The following NALF1 variants were observed in gnomAD, a reference collection of about 807,000 sequenced individuals.
NALF1 encodes NALCN channel auxiliary factor 1.
A neutral mutation model predicts 48.4 loss-of-function variants in NALF1; 3 were observed. That is an observed-to-expected ratio of 0.06 (90% CI 0.03 to 0.16). The LOEUF is 0.16. NALF1 is among the 10% of genes least tolerant of loss of function. NALF1 has a pLI of 1.00. For missense variants in NALF1, 526 were observed against 571.5 expected (o/e 0.92, Z 0.81); for synonymous variants, 262 against 245.7 (o/e 1.07, Z -0.62).
At chr13:107,684,296 A>G (rs1881378378) in intron 1 of NALF1, among the ~76,000 whole-genome samples, 1 of 152,162 alleles carries the variant, frequency 6.6e-6, no homozygotes, top group African/African-American at 2.4e-5. Flanking sequence ...GAGTTTCTTG[A>G]TGCCACTCCC....
At chr13:107,743,875 T>G (rs765212930) in intron 1 of NALF1, among the ~76,000 whole-genome samples, 1 of 152,214 alleles carries the variant, frequency 6.6e-6, no homozygotes. Flanking sequence ...GGAGTCTTAA[T>G]GATTTCTTTA....
At chr13:107,269,528 T>G (rs1881111901) in intron 1 of NALF1, among the ~76,000 whole-genome samples, 1 of 152,200 alleles carries the variant, frequency 6.6e-6, no homozygotes, top group African/African-American at 2.4e-5. Flanking sequence ...AGGTTTGAAC[T>G]TATTTGTATT....
At chr13:107,535,558 T>C (rs1876776907) in intron 1 of NALF1, among the ~76,000 whole-genome samples, 1 of 152,064 alleles carries the variant, frequency 6.6e-6, no homozygotes, top group Non-Finnish European at 1.5e-5. Context: ...TACAAATCAC[T>C]GCTCAACAAA....
chr13:107,769,939 G>A (rs1425801398), intron 1 of NALF1, among the ~76,000 whole-genome samples: 1 of 152,076 alleles, frequency 6.6e-6, no homozygotes, highest in African/African-American at 2.4e-5. Context: ...TTGAGACGGA[G>A]TCTCGCTCTG....
intron 1 of NALF1, among the ~76,000 whole-genome samples, chr13:107,796,502 T>C (rs374670784): frequency 2.8e-4 from 43 of 152,340 alleles, no homozygotes; most frequent in African/African-American, 9.6e-4. Context: ...CTGGTCAAGA[T>C]TTAATTATAT....
intron 1 of NALF1, among the ~76,000 whole-genome samples, chr13:107,714,485 T>C (rs1325224086): frequency 1.3e-5 from 2 of 151,996 alleles, no homozygotes; most frequent in Non-Finnish European, 2.9e-5. Flanking sequence ...CTGGGCAACA[T>C]GGTAAAACCC....
chr13:107,410,560 A>C (rs762175807), intron 1 of NALF1, among the ~76,000 whole-genome samples: 1 of 152,180 alleles, frequency 6.6e-6, no homozygotes, highest in Non-Finnish European at 1.5e-5. Flanking sequence ...ATACACATAC[A>C]TGTGCATGCA....
intron 1 of NALF1, among the ~76,000 whole-genome samples, chr13:107,603,602 G>A (rs1594154732): frequency 6.6e-6 from 1 of 152,074 alleles, no homozygotes; most frequent in African/African-American, 2.4e-5. Flanking sequence ...AATAACAGAT[G>A]AGTAATGAAC....
intron 1 of NALF1, among the ~76,000 whole-genome samples, chr13:107,235,400 C>T (rs929871518): frequency 6.6e-6 from 1 of 152,022 alleles, no homozygotes; most frequent in Non-Finnish European, 1.5e-5. Context: ...ACAGTTATCC[C>T]TTGATATACA....
intron 1 of NALF1, among the ~76,000 whole-genome samples, chr13:107,686,735 C>T: frequency 7.6e-6 from 1 of 131,958 alleles, no homozygotes; most frequent in East Asian, 2.4e-4. Flanking sequence ...ATGCAAGTTA[C>T]AACCACAATG....
At chr13:107,415,280 G>T (rs1183647359) in intron 1 of NALF1, among the ~76,000 whole-genome samples, 2 of 151,958 alleles carry the variant, frequency 1.3e-5, no homozygotes, top group Admixed American at 6.6e-5. Context: ...GTTAATCAAA[G>T]AATATATACA....
At chr13:107,714,815 T>G (rs544027011) in intron 1 of NALF1, among the ~76,000 whole-genome samples, 1 of 152,244 alleles carries the variant, frequency 6.6e-6, no homozygotes, top group South Asian at 2.1e-4. Flanking sequence ...GACATCATGC[T>G]CCACCTACGT....
chr13:107,549,611 T>C (rs1260204656), intron 1 of NALF1, among the ~76,000 whole-genome samples: 1 of 152,214 alleles, frequency 6.6e-6, no homozygotes, highest in Non-Finnish European at 1.5e-5. Flanking sequence ...TTATTCAGTG[T>C]GTATATATGG....
At chr13:107,612,499 T>C (rs1879258976) in intron 1 of NALF1, among the ~76,000 whole-genome samples, 1 of 152,156 alleles carries the variant, frequency 6.6e-6, no homozygotes. Flanking sequence ...CTAGTGTTTC[T>C]GGATGAGACT....
chr13:107,411,615 A>T (rs551582901), intron 1 of NALF1, among the ~76,000 whole-genome samples: 4 of 152,256 alleles, frequency 2.6e-5, no homozygotes, highest in African/African-American at 9.6e-5. Context: ...ACTCTTCACC[A>T]TGCTTCACTA....
chr13:107,356,909 C>T (rs1234683169), intron 1 of NALF1, among the ~76,000 whole-genome samples: 4 of 152,148 alleles, frequency 2.6e-5, no homozygotes, highest in East Asian at 1.9e-4. Context: ...AAATGTCAAC[C>T]ATACAAAGTT....
At chr13:107,829,291 C>A (rs556292110) in intron 1 of NALF1, among the ~76,000 whole-genome samples, 1 of 152,132 alleles carries the variant, frequency 6.6e-6, no homozygotes, top group Non-Finnish European at 1.5e-5. Flanking sequence ...TGAGCAGTAA[C>A]GAATAAAGTT....
intron 1 of NALF1, among the ~76,000 whole-genome samples, chr13:107,497,705 T>C (rs1054505958): frequency 6.6e-6 from 1 of 152,242 alleles, no homozygotes; most frequent in African/African-American, 2.4e-5. Flanking sequence ...ATTGACATTA[T>C]AGATACGTGT....
intron 1 of NALF1, among the ~76,000 whole-genome samples, chr13:107,756,435 C>CTATATATATATATATATA (rs148971349): frequency 0.015 from 2,072 of 140,588 alleles, 16 homozygotes; most frequent in Middle Eastern, 0.027. Flanking sequence ...AGTTTAATGG[C>CTATATATATATATATATA]TATATATATA....
Sources: gnomAD v4.1 joint callset for allele counts (sites outside exome capture counted in the v4.1 genomes callset) on GRCh38, gnomAD v4.1.1 for gene constraint, MANE v1.5 for transcripts, NCBI Gene and HGNC (gene_info 2026-07-23, HGNC 2026-07-21) for gene names.